Variants in PTPRM observed in about 807,000 individuals in gnomAD.
PTPRM encodes the protein protein tyrosine phosphatase receptor type M.
A neutral mutation model predicts 186.7 loss-of-function variants in PTPRM; 47 were observed. The ratio of observed to expected loss-of-function variants is 0.25; its 90% CI spans 0.20 to 0.32. The LOEUF is 0.32. Ranked by LOEUF, PTPRM falls within the 10% of genes least tolerant of loss-of-function variation. The probability of loss-of-function intolerance (pLI) is 1.00; values close to 1 mark genes in which losing one functional copy is unlikely to be tolerated. For missense variants in PTPRM, 1,494 were observed against 1,865.0 expected (o/e 0.80, Z 3.66); for synonymous variants, 668 against 674.9 (o/e 0.99, Z 0.16).
chr18:7,852,727 G>A (rs2046925646), intron 2 of PTPRM, among the ~76,000 whole-genome samples: 1 of 151,798 alleles, frequency 6.6e-6, no homozygotes, highest in Non-Finnish European at 1.5e-5. Flanking sequence ...ATGGTGGCAT[G>A]CACTTGTATT....
At chr18:8,043,664 C>T (rs2086832440) in intron 7 of PTPRM, among the ~76,000 whole-genome samples, 1 of 152,026 alleles carries the variant, frequency 6.6e-6, no homozygotes, top group African/African-American at 2.4e-5. Flanking sequence ...CTCCCCAACC[C>T]TCTTCCCTCT....
chr18:7,785,560 G>A (rs748694992), intron 2 of PTPRM, among the ~76,000 whole-genome samples: 5 of 152,178 alleles, frequency 3.3e-5, no homozygotes, highest in Non-Finnish European at 5.9e-5. Flanking sequence ...AGCAAAATTT[G>A]CAGTATAAAT....
At chr18:8,303,530 C>G (rs904169682) in intron 20 of PTPRM, among the ~76,000 whole-genome samples, 1 of 152,068 alleles carries the variant, frequency 6.6e-6, no homozygotes, top group South Asian at 2.1e-4. Context: ...CCTGGCAGAG[C>G]GAGCTTTTGG....
At chr18:7,576,528 G>A (rs1437682809) in intron 1 of PTPRM, among the ~76,000 whole-genome samples, 1 of 152,112 alleles carries the variant, frequency 6.6e-6, no homozygotes, top group Admixed American at 6.5e-5. Context: ...GAGTGCAGTG[G>A]CAGGATCACT....
intron 2 of PTPRM, among the ~76,000 whole-genome samples, chr18:7,860,324 T>C (rs2047307491): frequency 6.6e-6 from 1 of 152,176 alleles, no homozygotes; most frequent in Non-Finnish European, 1.5e-5. Flanking sequence ...CTGCTGGCCT[T>C]GGCTTCCCAA....
chr18:8,388,619 C>T (rs1307301011), intron 31 of PTPRM, among the ~76,000 whole-genome samples: 1 of 152,204 alleles, frequency 6.6e-6, no homozygotes, highest in African/African-American at 2.4e-5. Context: ...CCTCACCTTT[C>T]TCTAGTTGCT....
intron 17 of PTPRM, among the ~76,000 whole-genome samples, chr18:8,249,638 G>A (rs2094509327): frequency 6.6e-6 from 1 of 152,060 alleles, no homozygotes; most frequent in African/African-American, 2.4e-5. Flanking sequence ...GAGTGGGGAG[G>A]GCTAAAACGT....
At chr18:8,257,809 C>T (rs12967923) in intron 19 of PTPRM, among the ~76,000 whole-genome samples, 17,514 of 152,230 alleles carry the variant, frequency 0.12, 1,337 homozygotes, top group Middle Eastern at 0.21. Flanking sequence ...GATGTTCTCT[C>T]TGCTGAACAG....
At chr18:7,916,467 T>C (rs957663361) in intron 4 of PTPRM, among the ~76,000 whole-genome samples, 5 of 152,222 alleles carry the variant, frequency 3.3e-5, no homozygotes, top group Non-Finnish European at 7.3e-5. Context: ...AATATACTTC[T>C]TACAGTTCTG....
chr18:7,598,047 A>C (rs1393525071), intron 1 of PTPRM, among the ~76,000 whole-genome samples: 1 of 152,204 alleles, frequency 6.6e-6, no homozygotes, highest in Non-Finnish European at 1.5e-5. Context: ...AGTCCTCTTG[A>C]AATTAGTGGG....
chr18:7,848,364 C>T (rs1485158176), intron 2 of PTPRM, among the ~76,000 whole-genome samples: 5 of 152,114 alleles, frequency 3.3e-5, no homozygotes, highest in Non-Finnish European at 7.4e-5. Flanking sequence ...TGTCATGTTG[C>T]TAATAAAACT....
chr18:8,148,616 A>AT (rs879829619), intron 14 of PTPRM, among the ~76,000 whole-genome samples: 5 of 151,804 alleles, frequency 3.3e-5, no homozygotes, highest in African/African-American at 1.2e-4. Flanking sequence ...GGATTTATTG[A>AT]TTTTTTTGAA....
In PTPRM at chr18:8,304,367, C is replaced by T. The variant is rs536487616; in HGVS notation, c.2842+7912C>T. ...CCAGTCCAATGCATGCCTATGTACA[C>T]GGGGGGAAAACCTCAGCGGATTATA... On this transcript the variant is annotated intron_variant, in intron 20 of 32. Coordinates refer to ENST00000580170, the MANE Select transcript of PTPRM (RefSeq NM_001105244.2). Among the ~76,000 whole-genome samples the T allele has an allele frequency of 3.9e-5, 6 of 152,226 alleles. No homozygotes were observed. The South Asian group carries it at 6.2e-4, about 16-fold the overall frequency.
At chr18:7,570,117 A>G (rs533191281) in intron 1 of PTPRM, among the ~76,000 whole-genome samples, 2 of 152,172 alleles carry the variant, frequency 1.3e-5, no homozygotes, top group African/African-American at 4.8e-5. Flanking sequence ...CAGAGTGAGA[A>G]TCCGTCTCAA....
chr18:7,752,343 G>A lies in PTPRM; in HGVS notation c.74-21806G>A, dbSNP rs560866273. Among the ~76,000 whole-genome samples, 7 of 152,160 alleles carry A rather than the reference G, an allele frequency of 4.6e-5. No homozygotes were observed. The South Asian group carries it at 6.2e-4, about 14-fold the overall frequency. Reference sequence around the variant, plus strand: ...TAGAAAAGTATGTATGCTAGGCCTCGAATATATTCTTTTTTTAAAAAAATT... The same window carrying A: ...TAGAAAAGTATGTATGCTAGGCCTCAAATATATTCTTTTTTTAAAAAAATT... On this transcript the variant is annotated intron_variant, in intron 1 of 32. Coordinates refer to ENST00000580170, the MANE Select transcript of PTPRM (RefSeq NM_001105244.2).
intron 7 of PTPRM, among the ~76,000 whole-genome samples, chr18:8,051,116 A>G (rs2087465257): frequency 6.6e-6 from 1 of 152,134 alleles, no homozygotes; most frequent in African/African-American, 2.4e-5. Flanking sequence ...CCGTGGGGGT[A>G]TCTGTGGAAC....
chr18:7,735,105 T>C (rs1401560458), intron 1 of PTPRM, among the ~76,000 whole-genome samples: 1 of 152,206 alleles, frequency 6.6e-6, no homozygotes, highest in Non-Finnish European at 1.5e-5. Flanking sequence ...TAGATACAAC[T>C]GACCAGCATT....
intron 14 of PTPRM, among the ~76,000 whole-genome samples, chr18:8,154,360 C>T (rs551209925): frequency 1.3e-5 from 2 of 152,286 alleles, no homozygotes; most frequent in African/African-American, 4.8e-5. Context: ...CATTCTGAGT[C>T]GTCCACCTCA....
intron 13 of PTPRM, among the ~76,000 whole-genome samples, chr18:8,116,944 T>C (rs1475798472): frequency 6.6e-6 from 1 of 152,202 alleles, no homozygotes; most frequent in East Asian, 1.9e-4. Context: ...CATTTTAATA[T>C]TTCCTGCATA....
Sources: gnomAD v4.1 joint callset for allele counts (sites outside exome capture counted in the v4.1 genomes callset) on GRCh38, gnomAD v4.1.1 for gene constraint, MANE v1.5 for transcripts, NCBI Gene and HGNC (gene_info 2026-07-23, HGNC 2026-07-21) for gene names.